The following TGFA variants were observed in gnomAD, a reference collection of about 807,000 sequenced individuals.
The protein encoded by TGFA is transforming growth factor alpha, also known as protransforming growth factor alpha.
A neutral mutation model predicts 21.7 loss-of-function variants in TGFA; 12 were observed. The ratio of observed to expected loss-of-function variants is 0.55; its 90% CI spans 0.35 to 0.90. The LOEUF is 0.90. TGFA is among the 40% of genes least tolerant of loss of function. TGFA has a pLI of 0.01. For missense variants in TGFA, 178 were observed against 210.8 expected (o/e 0.84, Z 0.96); for synonymous variants, 79 against 88.1 (o/e 0.90, Z 0.58).
At chr2:70,525,230 G>A (rs879962161) in intron 1 of TGFA, among the ~76,000 whole-genome samples, 1 of 152,138 alleles carries the variant, frequency 6.6e-6, no homozygotes, top group East Asian at 1.9e-4. Context: ...TGGACACCCC[G>A]GAACCACCCT....
chr2:70,543,182 A>G, intron 1 of TGFA, among the ~76,000 whole-genome samples: 1 of 152,190 alleles, frequency 6.6e-6, no homozygotes, highest in East Asian at 1.9e-4. Flanking sequence ...AAACTTTAAA[A>G]TATGTCTTAT....
chr2:70,525,559 T>C lies in TGFA; in HGVS notation c.41-10647A>G, dbSNP rs373230388. On this transcript the variant is annotated intron_variant, in intron 1 of 5. Coordinates refer to ENST00000295400, the MANE Select transcript of TGFA (RefSeq NM_003236.4). ...GCAGCTCCACATTTCTCAACCCACA[T>C]CACACTGCAAACTGGCAGAATCTCT... is the stretch of plus-strand genomic sequence containing the variant. Among the ~76,000 whole-genome samples, 6 of 152,272 alleles carry C rather than the reference T, an allele frequency of 3.9e-5. No homozygotes were observed. The South Asian group carries it at 6.2e-4, about 16-fold the overall frequency.
chr2:70,450,841 ACTC>A lies in TGFA; in HGVS notation c.*15_*17del, dbSNP rs1553489502. On this transcript the variant is annotated 3_prime_UTR_variant, in exon 6 of 6. Transcript: ENST00000295400. ...GATCTGCCACAGTCCACCTGGCCAA[ACTC>A]CTCCTCTGGGCTCTTCAGACCACTG... 4 of 1,609,404 alleles carry A rather than the reference ACTC, an allele frequency of 2.5e-6. No individual in the cohort carries two copies. Among genetic ancestry groups the A allele is most frequent in the Middle Eastern group, 3.3e-4 (2 of 6,058 alleles).
At chr2:70,536,192 G>A (rs1278807767) in intron 1 of TGFA, among the ~76,000 whole-genome samples, 1 of 152,274 alleles carries the variant, frequency 6.6e-6, no homozygotes, top group East Asian at 1.9e-4. Context: ...AAAGAATGAC[G>A]AAGTTACTAA....
intron 2 of TGFA, among the ~76,000 whole-genome samples, chr2:70,500,654 CCTT>C (rs1485714079): frequency 5.9e-5 from 9 of 152,156 alleles, no homozygotes; most frequent in Admixed American, 1.3e-4. Flanking sequence ...CAACTCAGCT[CCTT>C]CTCCCAGTGC....
intron 2 of TGFA, among the ~76,000 whole-genome samples, chr2:70,483,660 C>A (rs1192056025): frequency 6.6e-6 from 1 of 152,218 alleles, no homozygotes; most frequent in African/African-American, 2.4e-5. Flanking sequence ...CTTATTCCTT[C>A]CTTTTTTTAC....
chr2:70,538,708 G>A (rs1673046659), intron 1 of TGFA, among the ~76,000 whole-genome samples: 1 of 152,228 alleles, frequency 6.6e-6, no homozygotes, highest in African/African-American at 2.4e-5. Flanking sequence ...AACAAAGAAA[G>A]TGGTTTCCTG....
At chr2:70,456,277 G>T in intron 4 of TGFA, 62 bp downstream of exon 4, 1 of 1,508,220 alleles carries the variant, frequency 6.6e-7, no homozygotes, top group Non-Finnish European at 8.9e-7. Flanking sequence ...TGGATATACT[G>T]CGGATGTCCC....
chr2:70,488,595 TTTACA>T (rs141570804), intron 2 of TGFA, among the ~76,000 whole-genome samples: 9,365 of 152,274 alleles, frequency 0.062, 356 homozygotes, highest in Middle Eastern at 0.13. Context: ...GCAGTACAAA[TTTACA>T]AATTTGTCAT....
intron 1 of TGFA, among the ~76,000 whole-genome samples, chr2:70,518,312 G>A (rs782344883): frequency 7.9e-5 from 12 of 152,230 alleles, no homozygotes; most frequent in Non-Finnish European, 1.5e-4. Flanking sequence ...AAAGAAGGGG[G>A]TGGTATCAAG....
intron 2 of TGFA, among the ~76,000 whole-genome samples, chr2:70,495,640 C>T (rs2103797809): frequency 6.6e-6 from 1 of 152,180 alleles, no homozygotes; most frequent in South Asian, 2.1e-4. Flanking sequence ...GGTCTATAGT[C>T]TATATTTTAC....
At chr2:70,523,649 C>G (rs1430890707) in intron 1 of TGFA, among the ~76,000 whole-genome samples, 5 of 152,198 alleles carry the variant, frequency 3.3e-5, no homozygotes, top group African/African-American at 1.2e-4. Context: ...CCTCCTAATA[C>G]CCACCAGCAC....
intron 3 of TGFA, among the ~76,000 whole-genome samples, chr2:70,457,241 G>A (rs1050053260): frequency 3.3e-5 from 5 of 152,146 alleles, no homozygotes; most frequent in Non-Finnish European, 4.4e-5. Flanking sequence ...AGTGGGCAGG[G>A]GAGGGCGAGT....
chr2:70,476,080 C>CCAA (rs1670915778), intron 2 of TGFA, among the ~76,000 whole-genome samples: 1 of 55,632 alleles, frequency 1.8e-5, no homozygotes, highest in Non-Finnish European at 3.1e-5. Flanking sequence ...TAATTTTAAG[C>CCAA]AAAAAAAAAA....
intron 2 of TGFA, among the ~76,000 whole-genome samples, chr2:70,471,300 G>A (rs1471414373): frequency 6.6e-6 from 1 of 152,162 alleles, no homozygotes; most frequent in Non-Finnish European, 1.5e-5. Flanking sequence ...TAGGGGATGT[G>A]ATTCACACTT....
At chr2:70,467,571 C>T (rs939281723) in intron 2 of TGFA, 5 of 152,186 alleles carry the variant, frequency 3.3e-5, no homozygotes, top group African/African-American at 9.7e-5. Context: ...ACAGCTCCAT[C>T]GATATAGTCT....
chr2:70,518,124 C>A (rs1198470252), intron 1 of TGFA, among the ~76,000 whole-genome samples: 1 of 152,202 alleles, frequency 6.6e-6, no homozygotes, highest in African/African-American at 2.4e-5. Flanking sequence ...GCCTGGTGGC[C>A]CACAGCCACA....
intron 1 of TGFA, among the ~76,000 whole-genome samples, chr2:70,521,675 C>G (rs782371830): frequency 8.3e-6 from 1 of 120,770 alleles, no homozygotes; most frequent in Non-Finnish European, 1.6e-5. Flanking sequence ...AGTGCAGTGG[C>G]ACGATCTTGG....
chr2:70,463,092 G>C (rs1243503980), intron 3 of TGFA, among the ~76,000 whole-genome samples: 4 of 152,076 alleles, frequency 2.6e-5, no homozygotes, highest in Admixed American at 2.6e-4. Context: ...TGGAATGATG[G>C]GACTGAACTC....
Sources: allele counts gnomAD v4.1 joint callset (sites outside exome capture counted in the v4.1 genomes callset), GRCh38; gene constraint gnomAD v4.1.1; transcripts MANE v1.5; gene names NCBI Gene and HGNC (gene_info 2026-07-23, HGNC 2026-07-21).